The following ZMIZ1 variants were observed in gnomAD, a reference collection of about 807,000 sequenced individuals.
The protein encoded by ZMIZ1 is zinc finger MIZ domain-containing protein 1.
In ZMIZ1, 17 loss-of-function variants were observed where a neutral mutation model predicts 113.9. The observed-to-expected ratio is 0.15, with a 90% CI of 0.10 to 0.22. ZMIZ1 has a LOEUF of 0.22. Ranked by LOEUF, ZMIZ1 falls within the 10% of genes least tolerant of loss-of-function variation. The pLI is 1.00. For synonymous variants in ZMIZ1, 607 were observed against 603.1 expected, an observed-to-expected ratio of 1.01 and a Z score of -0.09; for missense variants, 1,059 against 1,477.8, an observed-to-expected ratio of 0.72 and a Z score of 4.65.
chr10:79,297,667 T>A lies in ZMIZ1; in HGVS notation c.1468T>A (p.Tyr490Asn), dbSNP rs765084646. 5 of 1,614,120 alleles carry A rather than the reference T, an allele frequency of 3.1e-6. No homozygotes were observed. The highest frequency in any genetic ancestry group is 4.2e-6 in the Non-Finnish European group (5 of 1,179,968). The change falls in exon 14 of 25, where the codon TAC becomes AAC. Residue 490 changes from tyrosine (Y) to asparagine (N), a missense_variant. By Grantham distance (143) the Tyr-to-Asn change is moderately radical (BLOSUM62 -2). Transcript: ENST00000334512. Reference sequence around the variant, plus strand: ...GTTCTCGGGAAGCAGCTACAGTAACTACAGCCAAGGGAATGTCAACAGGGT... The same window carrying A: ...GTTCTCGGGAAGCAGCTACAGTAACAACAGCCAAGGGAATGTCAACAGGGT... ...NTFSGSSYSN[Y>N]SQGNVNRPPR...
chr10:79,228,167 G>T (rs1849264300), intron 7 of ZMIZ1, among the ~76,000 whole-genome samples: 1 of 152,258 alleles, frequency 6.6e-6, no homozygotes, highest in African/African-American at 2.4e-5. Context: ...ACCATTTATT[G>T]AGCTACTGCT....
chr10:79,073,714 G>T (rs893707495), intron 1 of ZMIZ1, among the ~76,000 whole-genome samples: 8 of 152,020 alleles, frequency 5.3e-5, no homozygotes, highest in African/African-American at 1.7e-4. Context: ...GTGCAGAAGG[G>T]GGAAGGGTCT....
chr10:79,289,744 C>A, intron 8 of ZMIZ1, 31 bp from the exon 9 acceptor site: 1 of 1,598,480 alleles, frequency 6.3e-7, no homozygotes, highest in Non-Finnish European at 8.6e-7. Flanking sequence ...CCTGCCAGGC[C>A]CTGAAGATCT....
intron 7 of ZMIZ1, among the ~76,000 whole-genome samples, chr10:79,253,694 T>TGG (rs1343512361): frequency 6.6e-6 from 1 of 152,212 alleles, no homozygotes; most frequent in Non-Finnish European, 1.5e-5. Flanking sequence ...TCCACTTGCC[T>TGG]GGCAGCGCCC....
intron 4 of ZMIZ1, among the ~76,000 whole-genome samples, chr10:79,169,294 CT>C (rs1365328073): frequency 2.6e-5 from 4 of 152,252 alleles, no homozygotes; most frequent in African/African-American, 9.6e-5. Context: ...TGCCAGCCCC[CT>C]GTGCTTCGTT....
At position 79,265,334 on chromosome 10, in the gene ZMIZ1, C is replaced by G. The variant is rs572806927; in HGVS notation, c.281-11847C>G. 2.6e-5 allele frequency among the ~76,000 whole-genome samples: 4 copies of G among 152,256 alleles called. No homozygotes were observed. In the South Asian group the frequency reaches 8.3e-4, roughly 32 times the overall value. ...AGCCTGCTTGCAGATCCCAGGCCAC[C>G]TGCACCACCCAACTAGCCAGTCCTC... On this transcript the variant is annotated intron_variant, in intron 7 of 24. Transcript: ENST00000334512.
At chr10:79,087,060 G>A (rs929592569) in intron 1 of ZMIZ1, among the ~76,000 whole-genome samples, 5 of 152,238 alleles carry the variant, frequency 3.3e-5, no homozygotes, top group Non-Finnish European at 7.3e-5. Flanking sequence ...TGTTAGACTA[G>A]ATTTTATCTG....
At chr10:79,170,666 G>T (rs1353688965) in intron 4 of ZMIZ1, among the ~76,000 whole-genome samples, 2 of 152,182 alleles carry the variant, frequency 1.3e-5, no homozygotes, top group Non-Finnish European at 2.9e-5. Flanking sequence ...AGGCATCTGG[G>T]AGCCTTAATA....
intron 3 of ZMIZ1, among the ~76,000 whole-genome samples, chr10:79,144,454 G>T (rs1027685479): frequency 6.6e-6 from 1 of 152,112 alleles, no homozygotes; most frequent in Non-Finnish European, 1.5e-5. Flanking sequence ...ACTTGCCTAG[G>T]GCCACGCAGC....
At chr10:79,156,668 C>A (rs1338030085) in intron 3 of ZMIZ1, among the ~76,000 whole-genome samples, 1 of 152,166 alleles carries the variant, frequency 6.6e-6, no homozygotes, top group East Asian at 1.9e-4. Flanking sequence ...CCTGGAGCCT[C>A]CTCACAGGAG....
intron 1 of ZMIZ1, among the ~76,000 whole-genome samples, chr10:79,114,471 GTGTGTC>G (rs1390480019): frequency 7.5e-5 from 7 of 93,742 alleles, no homozygotes; most frequent in Non-Finnish European, 1.4e-4. Context: ...GTATGTGTGT[GTGTGTC>G]TGTGTGTGTG....
In ZMIZ1 at chr10:79,296,188, A is replaced by G; in HGVS notation, c.1231-283A>G. 2.1e-6 allele frequency: 1 copy of G among 486,952 alleles called. No homozygotes were observed. The allele number at this position is 486,952 out of a possible 1,614,324, so 30.2% of individuals were successfully genotyped here. ...GGGAGTTAGAATCAGGCCCCTCATA[A>G]TGGTGTGAGCAAGAGGCTCTGAAAG... is the stretch of plus-strand genomic sequence containing the variant. On this transcript the variant is annotated intron_variant, in intron 12 of 24. Coordinates refer to ENST00000334512, the MANE Select transcript of ZMIZ1 (RefSeq NM_020338.4). The surrounding 1 kb of genome is among the most constrained non-coding windows in gnomAD (Gnocchi z 4.1).
intron 1 of ZMIZ1, among the ~76,000 whole-genome samples, chr10:79,078,171 A>C (rs1842537406): frequency 6.6e-6 from 1 of 152,156 alleles, no homozygotes; most frequent in African/African-American, 2.4e-5. Context: ...TCTGTCTGAG[A>C]AGCTTATTTT....
chr10:79,180,320 A>G (rs1428816166), intron 4 of ZMIZ1, among the ~76,000 whole-genome samples: 2 of 152,160 alleles, frequency 1.3e-5, no homozygotes, highest in African/African-American at 4.8e-5. Context: ...CCCAGTGTCT[A>G]CTAGGACACT....
rs547152864 is a variant in ZMIZ1, at chr10:79,258,932, G to C, written c.281-18249G>C. Among the ~76,000 whole-genome samples, 23 of 152,336 alleles carry C rather than the reference G, an allele frequency of 1.5e-4. No individual in the cohort carries two copies. In the East Asian group the frequency reaches 4.1e-3, roughly 27 times the overall value. The stretch of plus-strand genomic sequence containing the variant: ...ATAGAACTAATGTGGGGAGGGCAGA[G>C]CCAGCTGCTGAGGAGTGATGGATGG... On this transcript the variant is annotated intron_variant, in intron 7 of 24. Transcript: ENST00000334512.
At chr10:79,194,988 G>A (rs1033202090) in intron 4 of ZMIZ1, among the ~76,000 whole-genome samples, 3 of 152,226 alleles carry the variant, frequency 2.0e-5, no homozygotes, top group African/African-American at 7.2e-5. Context: ...CCAGCCAAGC[G>A]TAAGGTGCAA....
intron 1 of ZMIZ1, among the ~76,000 whole-genome samples, chr10:79,102,036 C>T (rs1394436434): frequency 6.6e-6 from 1 of 152,234 alleles, no homozygotes; most frequent in Admixed American, 6.5e-5. Context: ...ATCTCTCCAC[C>T]TTCTCTGTAA....
intron 7 of ZMIZ1, among the ~76,000 whole-genome samples, chr10:79,276,964 CAG>C: frequency 6.6e-6 from 1 of 152,300 alleles, no homozygotes; most frequent in Non-Finnish European, 1.5e-5. Flanking sequence ...CTCTTCATGA[CAG>C]AAACTTTTGT....
At chr10:79,072,913 T>C (rs565735607) in intron 1 of ZMIZ1, among the ~76,000 whole-genome samples, 18 of 152,196 alleles carry the variant, frequency 1.2e-4, no homozygotes, top group Non-Finnish European at 2.5e-4. Flanking sequence ...GGGAGTGCTC[T>C]TTGTCCTTAA....
Sources: allele counts gnomAD v4.1 joint callset (sites outside exome capture counted in the v4.1 genomes callset), GRCh38; gene constraint gnomAD v4.1.1; non-coding constraint Gnocchi (gnomAD v3.1); transcripts MANE v1.5; gene names NCBI Gene and HGNC (gene_info 2026-07-23, HGNC 2026-07-21).